The following DCC variants were observed in gnomAD, a reference collection of about 807,000 sequenced individuals.
The protein encoded by DCC is DCC netrin 1 receptor.
A neutral mutation model predicts 172.5 loss-of-function variants in DCC; 58 were observed. The observed-to-expected ratio is 0.34, with a 90% CI of 0.27 to 0.42. The LOEUF (loss-of-function observed/expected upper bound fraction) is 0.42. Ranked by LOEUF, DCC falls within the 10% of genes least tolerant of loss-of-function variation. DCC has a pLI of 1.00. For missense variants in DCC, 1,740 were observed against 1,791.0 expected (o/e 0.97, Z 0.51); for synonymous variants, 709 against 644.5 (o/e 1.10, Z -1.52).
intron 1 of DCC, among the ~76,000 whole-genome samples, chr18:52,511,951 G>T (rs1215269669): frequency 6.6e-6 from 1 of 152,144 alleles, no homozygotes; most frequent in African/African-American, 2.4e-5. Flanking sequence ...GCTGTTGAAA[G>T]GGTGCGGCTG....
chr18:53,221,148 C>A (rs932356606), intron 12 of DCC, among the ~76,000 whole-genome samples: 10 of 151,726 alleles, frequency 6.6e-5, no homozygotes, highest in Non-Finnish European at 1.3e-4. Context: ...TAAAATTTAC[C>A]ATTTTTTAAT....
rs35414902 is a variant in DCC, at chr18:53,395,150, CAA to C, written c.2689-2142_2689-2141del. On this transcript the variant is annotated intron_variant, in intron 17 of 28. Transcript: ENST00000442544. ...GAGTGACAAGCACGAAACTCCATCT[CAA>C]AAAAAAAAAAAAAAAGTAAGGCTCA... is the stretch of plus-strand genomic sequence containing the variant. Among the ~76,000 whole-genome samples the C allele has an allele frequency of 1.1e-3, 139 of 125,208 alleles. 1 individual carries two copies. Among genetic ancestry groups the C allele is most frequent in the East Asian group, 9.5e-3 (41 of 4,308 alleles). 82.1% of individuals were successfully genotyped at this position (125,208 alleles called of 152,430 possible).
chr18:52,965,705 C>A (rs905043207), intron 5 of DCC, among the ~76,000 whole-genome samples: 9 of 151,886 alleles, frequency 5.9e-5, no homozygotes, highest in Admixed American at 5.9e-4. Flanking sequence ...ATAAACTATC[C>A]CACACACACA....
chr18:52,890,647 A>G (rs957916429), intron 2 of DCC, among the ~76,000 whole-genome samples: 5 of 152,130 alleles, frequency 3.3e-5, no homozygotes, highest in South Asian at 2.1e-4. Context: ...TTGGTATCTT[A>G]ATAGATAGTT....
At chr18:52,572,611 C>T (rs9966385) in intron 1 of DCC, among the ~76,000 whole-genome samples, 38,417 of 152,016 alleles carry the variant, frequency 0.25, 5,144 homozygotes, top group East Asian at 0.48. Flanking sequence ...GCTTTGAAGG[C>T]GTGCTAAGGG....
chr18:52,451,291 C>G (rs374844116), intron 1 of DCC, among the ~76,000 whole-genome samples: 2 of 152,110 alleles, frequency 1.3e-5, no homozygotes, highest in African/African-American at 4.8e-5. Context: ...TATCTTGTTT[C>G]CCAGCCTCCA....
At chr18:53,426,430 TTTATA>T (rs1051937255) in intron 21 of DCC, among the ~76,000 whole-genome samples, 28 of 109,236 alleles carry the variant, frequency 2.6e-4, no homozygotes, top group African/African-American at 7.4e-4. Flanking sequence ...TATTTATATA[TTTATA>T]TTATTTATAT....
intron 1 of DCC, among the ~76,000 whole-genome samples, chr18:52,731,086 T>C (rs1750439988): frequency 6.6e-6 from 1 of 152,234 alleles, no homozygotes; most frequent in Non-Finnish European, 1.5e-5. Context: ...CAACAGGCAC[T>C]GAGCCTGTGT....
intron 21 of DCC, among the ~76,000 whole-genome samples, chr18:53,425,495 G>T (rs554405890): frequency 5.2e-4 from 79 of 151,670 alleles, no homozygotes; most frequent in Non-Finnish European, 8.5e-4. Flanking sequence ...GAGTAGATGG[G>T]ATTACAGTCC....
intron 1 of DCC, among the ~76,000 whole-genome samples, chr18:52,432,988 A>G (rs373739551): frequency 5.3e-5 from 8 of 152,310 alleles, no homozygotes; most frequent in African/African-American, 1.9e-4. Context: ...AATAAATAAA[A>G]CAACAAAGAA....
intron 5 of DCC, among the ~76,000 whole-genome samples, chr18:52,966,180 T>C (rs1312782902): frequency 6.6e-6 from 1 of 152,158 alleles, no homozygotes; most frequent in Non-Finnish European, 1.5e-5. Context: ...AGATTTACCC[T>C]GAAGCAAAAA....
chr18:52,707,250 G>T (rs983342880), intron 1 of DCC, among the ~76,000 whole-genome samples: 3 of 152,114 alleles, frequency 2.0e-5, no homozygotes, highest in African/African-American at 7.2e-5. Flanking sequence ...GGAGACAAGA[G>T]CCCTGTATTT....
intron 1 of DCC, among the ~76,000 whole-genome samples, chr18:52,371,650 C>G (rs1985128046): frequency 6.6e-6 from 1 of 152,158 alleles, no homozygotes; most frequent in South Asian, 2.1e-4. Flanking sequence ...TGCTTCTTCT[C>G]TGGGTGTGCA....
At chr18:52,733,621 A>G (rs2036680159) in intron 1 of DCC, among the ~76,000 whole-genome samples, 1 of 151,994 alleles carries the variant, frequency 6.6e-6, no homozygotes, top group African/African-American at 2.4e-5. Flanking sequence ...CAGCCTCCCA[A>G]GTAGTTAGGA....
At chr18:52,700,118 C>G (rs2036083330) in intron 1 of DCC, among the ~76,000 whole-genome samples, 1 of 151,962 alleles carries the variant, frequency 6.6e-6, no homozygotes, top group Non-Finnish European at 1.5e-5. Context: ...TCTCTGCTCT[C>G]TCGTTTGCGC....
intron 1 of DCC, among the ~76,000 whole-genome samples, chr18:52,440,905 A>G (rs1987951223): frequency 6.6e-6 from 1 of 152,192 alleles, no homozygotes; most frequent in South Asian, 2.1e-4. Flanking sequence ...AAATTCACAA[A>G]CCATAAAGGT....
At chr18:52,980,453 C>T (rs1024389861) in intron 5 of DCC, among the ~76,000 whole-genome samples, 18 of 151,822 alleles carry the variant, frequency 1.2e-4, no homozygotes, top group African/African-American at 4.4e-4. Context: ...AATGATTTTC[C>T]CTCTTTTCTT....
intron 15 of DCC, among the ~76,000 whole-genome samples, chr18:53,354,708 T>C (rs939651226): frequency 2.0e-5 from 3 of 151,712 alleles, no homozygotes; most frequent in African/African-American, 7.3e-5. Context: ...TTCTGTAGGT[T>C]GCCTGTTCAC....
chr18:52,923,241 C>T lies in DCC; in HGVS notation c.698-466C>T, dbSNP rs145661181. On this transcript the variant is annotated intron_variant, in intron 3 of 28. Transcript: ENST00000442544. ...TGTATTCTACTCTTCAGTACCTGTA[C>T]GCTATTTAATACAATTTGAATATGT... Among the ~76,000 whole-genome samples, 141 of 152,194 alleles carry T rather than the reference C, an allele frequency of 9.3e-4. No homozygotes were observed. The East Asian group carries it at 0.011, about 12-fold the overall frequency.
Sources: allele counts gnomAD v4.1 joint callset (sites outside exome capture counted in the v4.1 genomes callset), GRCh38; gene constraint gnomAD v4.1.1; transcripts MANE v1.5; gene names NCBI Gene and HGNC (gene_info 2026-07-23, HGNC 2026-07-21).